The following FAM83B variants were observed in gnomAD, a reference collection of about 807,000 sequenced individuals.
FAM83B encodes the protein protein FAM83B.
A neutral mutation model predicts 38.8 loss-of-function variants in FAM83B; 26 were observed. That is an observed-to-expected ratio of 0.67 (90% CI 0.49 to 0.93). FAM83B has a LOEUF of 0.93. Among genes scored for constraint, FAM83B ranks in the 40% least tolerant of loss-of-function variants. FAM83B has a pLI of 0.00. For missense variants in FAM83B, 1,237 were observed against 1,197.3 expected (o/e 1.03, Z -0.49); for synonymous variants, 419 against 423.1 (o/e 0.99, Z 0.12).
chr6:54,858,380 A>G (rs976419873), intron 1 of FAM83B, among the ~76,000 whole-genome samples: 3 of 152,312 alleles, frequency 2.0e-5, no homozygotes, highest in Admixed American at 2.0e-4. Context: ...ATTCTTCTTG[A>G]AAAAAGAATC....
chr6:54,905,040 C>T (rs894267935), intron 2 of FAM83B, among the ~76,000 whole-genome samples: 19 of 151,790 alleles, frequency 1.3e-4, no homozygotes, highest in African/African-American at 4.6e-4. Flanking sequence ...TAAGGCAGGA[C>T]CTGGAGTAGG....
In FAM83B at chr6:54,941,236, T is replaced by C. The variant is rs1773681379; in HGVS notation, c.2265T>C (p.Leu755=). 6.2e-7 allele frequency: 1 copy of C among 1,613,192 alleles called. No individual in the cohort carries two copies. The highest frequency in any genetic ancestry group is 1.7e-5 in the Admixed American group (1 of 59,860). The change falls in exon 5 of 5, where the codon CTT becomes CTC. Residue 755 remains leucine, a synonymous_variant. Coordinates refer to ENST00000306858, the MANE Select transcript of FAM83B (RefSeq NM_001010872.3). ...DVNKEESNKE[L]ASKKEVKGSP... is the part of the protein sequence containing the mutation. Reference sequence around the variant, plus strand: ...ATAAAGAGGAATCTAACAAAGAACTTGCTTCAAAGAAGGAAGTTAAGGGTT... The same window carrying C: ...ATAAAGAGGAATCTAACAAAGAACTCGCTTCAAAGAAGGAAGTTAAGGGTT...
chr6:54,911,325 G>A (rs185204862), intron 2 of FAM83B, among the ~76,000 whole-genome samples: 308 of 151,730 alleles, frequency 2.0e-3, no homozygotes, highest in Non-Finnish European at 3.0e-3. Flanking sequence ...AAAAGCAAAG[G>A]CAGTCTGACA....
intron 2 of FAM83B, among the ~76,000 whole-genome samples, chr6:54,919,131 A>G (rs1335867134): frequency 2.6e-5 from 4 of 152,154 alleles, no homozygotes; most frequent in Non-Finnish European, 5.9e-5. Context: ...TGTTGAAATC[A>G]GTAAAAAAAA....
chr6:54,884,481 CAAAAAAA>C (rs769913282), intron 2 of FAM83B, among the ~76,000 whole-genome samples: 1 of 71,116 alleles, frequency 1.4e-5, no homozygotes, highest in South Asian at 5.5e-4. Context: ...GACTCTGTCT[CAAAAAAA>C]AAAAAAAAAA....
chr6:54,888,465 A>C (rs1036737500), intron 2 of FAM83B, among the ~76,000 whole-genome samples: 1 of 151,990 alleles, frequency 6.6e-6, no homozygotes, highest in African/African-American at 2.4e-5. Flanking sequence ...GAACTTTAAA[A>C]AAATGTGTTT....
chr6:54,923,506 AACTC>A (rs1773217853), intron 2 of FAM83B, among the ~76,000 whole-genome samples: 1 of 152,112 alleles, frequency 6.6e-6, no homozygotes, highest in Non-Finnish European at 1.5e-5. Context: ...GTTGAAGAAT[AACTC>A]ACAACCACAT....
intron 2 of FAM83B, among the ~76,000 whole-genome samples, chr6:54,879,761 TG>T (rs1213454931): frequency 6.6e-6 from 1 of 152,144 alleles, no homozygotes; most frequent in Non-Finnish European, 1.5e-5. Context: ...AATCTGATTT[TG>T]GACATAATAA....
At chr6:54,917,861 C>T (rs71560878) in intron 2 of FAM83B, among the ~76,000 whole-genome samples, 60 of 152,062 alleles carry the variant, frequency 3.9e-4, no homozygotes, top group African/African-American at 3.4e-4. Flanking sequence ...CGTATCCACC[C>T]GAAGCCCTCT....
rs1773288674 is a variant in FAM83B at position 54,926,496 on chromosome 6, T to C, written c.570T>C (p.Asn190=). 2 of 1,608,234 alleles carry C rather than the reference T, an allele frequency of 1.2e-6. No individual in the cohort carries two copies. Among genetic ancestry groups the C allele is most frequent in the Non-Finnish European group, 1.7e-6 (2 of 1,176,410 alleles). The change falls in exon 3 of 5, where the codon AAT becomes AAC. Residue 190 remains asparagine, a synonymous_variant. Transcript: ENST00000306858. The stretch of plus-strand genomic sequence containing the variant: ...AGTCCAATTTTAATCATTTTCTAAA[T>C]ATGACTGAGAAACAAGGTTGTTCAG... ...LDESNFNHFL[N]MTEKQGCSVQ...
intron 4 of FAM83B, among the ~76,000 whole-genome samples, chr6:54,929,332 T>C (rs911824985): frequency 2.6e-5 from 4 of 152,110 alleles, no homozygotes; most frequent in African/African-American, 9.7e-5. Flanking sequence ...AAGTTGAAAA[T>C]GCCTTCTTCT....
At chr6:54,889,608 AG>A (rs747522635) in intron 2 of FAM83B, among the ~76,000 whole-genome samples, 10 of 152,138 alleles carry the variant, frequency 6.6e-5, no homozygotes, top group Non-Finnish European at 1.5e-4. Flanking sequence ...TATACTACCT[AG>A]TACAAAGCAA....
intron 2 of FAM83B, among the ~76,000 whole-genome samples, chr6:54,907,492 T>C (rs1425837871): frequency 1.3e-5 from 2 of 152,136 alleles, no homozygotes; most frequent in Admixed American, 1.3e-4. Context: ...TTCTCTTTGC[T>C]CTCACTTGAT....
At chr6:54,915,812 CAAAAAAAAA>C (rs58597609) in intron 2 of FAM83B, among the ~76,000 whole-genome samples, 6 of 18,050 alleles carry the variant, frequency 3.3e-4, no homozygotes, top group Non-Finnish European at 6.9e-4. Flanking sequence ...GACTCCGTCT[CAAAAAAAAA>C]AAAAAAAAAA....
At chr6:54,930,595 C>A (rs116516815) in intron 4 of FAM83B, among the ~76,000 whole-genome samples, 2 of 151,990 alleles carry the variant, frequency 1.3e-5, no homozygotes, top group Non-Finnish European at 2.9e-5. Context: ...CTAAGTTGAA[C>A]CATTTTTCCT....
intron 1 of FAM83B, among the ~76,000 whole-genome samples, chr6:54,852,058 G>A (rs1232029156): frequency 2.1e-5 from 3 of 145,538 alleles, no homozygotes; most frequent in East Asian, 1.9e-4. Flanking sequence ...TGGGATTACA[G>A]GTGTGAGCCA....
intron 4 of FAM83B, among the ~76,000 whole-genome samples, chr6:54,935,004 TC>T (rs937095855): frequency 2.6e-5 from 4 of 152,166 alleles, no homozygotes; most frequent in African/African-American, 9.7e-5. Flanking sequence ...ACTTGCTACT[TC>T]CCTTTTCCCT....
intron 4 of FAM83B, among the ~76,000 whole-genome samples, chr6:54,938,454 T>C (rs1773569460): frequency 1.3e-5 from 2 of 152,312 alleles, no homozygotes; most frequent in Admixed American, 6.5e-5. Flanking sequence ...CTGTTTTCCA[T>C]AGTGGTTTTA....
chr6:54,885,435 T>C (rs1237766702), intron 2 of FAM83B, among the ~76,000 whole-genome samples: 3 of 152,262 alleles, frequency 2.0e-5, no homozygotes, highest in South Asian at 2.1e-4. Flanking sequence ...TTTACTAATA[T>C]GGAAATATAT....
Sources: allele counts gnomAD v4.1 joint callset (sites outside exome capture counted in the v4.1 genomes callset), GRCh38; gene constraint gnomAD v4.1.1; transcripts MANE v1.5; gene names NCBI Gene and HGNC (gene_info 2026-07-23, HGNC 2026-07-21).